Variants in ABCA13 observed in about 807,000 individuals in gnomAD.
ABCA13 encodes the protein ATP binding cassette subfamily A member 13, also known as ATP-binding cassette sub-family A member 13.
A neutral mutation model predicts 478.7 loss-of-function variants in ABCA13; 476 were observed. The observed-to-expected ratio is 0.99, with a 90% CI of 0.92 to 1.07. The LOEUF is 1.07. ABCA13 is among the 50% of genes least tolerant of loss of function. The pLI is 0.00. For missense variants in ABCA13, 6,060 were observed against 5,910.6 expected, an observed-to-expected ratio of 1.03 and a Z score of -0.83; for synonymous variants, 2,252 against 2,158.9, an observed-to-expected ratio of 1.04 and a Z score of -1.20.
chr7:48,567,826 A>G (rs1787230738), intron 55 of ABCA13, among the ~76,000 whole-genome samples: 2 of 152,032 alleles, frequency 1.3e-5, no homozygotes, highest in Non-Finnish European at 2.9e-5. Context: ...TACAGTTTAT[A>G]TTTTTACATG....
chr7:48,433,285 G>A (rs1158979495), intron 42 of ABCA13, among the ~76,000 whole-genome samples: 1 of 151,582 alleles, frequency 6.6e-6, no homozygotes, highest in Admixed American at 6.6e-5. Flanking sequence ...TGGTAGATTT[G>A]CACTATGTGA....
chr7:48,609,238 G>A (rs894699622), intron 58 of ABCA13, among the ~76,000 whole-genome samples: 2 of 152,066 alleles, frequency 1.3e-5, no homozygotes, highest in African/African-American at 4.8e-5. Flanking sequence ...TTATTAGATT[G>A]TTCTCAGAAA....
intron 58 of ABCA13, among the ~76,000 whole-genome samples, chr7:48,615,010 A>C (rs1441120610): frequency 6.6e-6 from 1 of 150,592 alleles, no homozygotes; most frequent in Admixed American, 6.7e-5. Flanking sequence ...CATTGTGCAC[A>C]TGTACCCTAA....
chr7:48,431,708 T>C (rs1585294619), intron 42 of ABCA13, among the ~76,000 whole-genome samples: 1 of 152,370 alleles, frequency 6.6e-6, no homozygotes, highest in Middle Eastern at 3.4e-3. Flanking sequence ...CACAATTTTA[T>C]ATCTTCCAGA....
intron 55 of ABCA13, among the ~76,000 whole-genome samples, chr7:48,556,601 T>C (rs1363502236): frequency 6.6e-6 from 1 of 152,104 alleles, no homozygotes; most frequent in African/African-American, 2.4e-5. Flanking sequence ...AAATCCATTT[T>C]GTCTGATATA....
chr7:48,476,944 C>T (rs1024724342), intron 45 of ABCA13, among the ~76,000 whole-genome samples: 1 of 152,152 alleles, frequency 6.6e-6, no homozygotes, highest in South Asian at 2.1e-4. Context: ...AAGGATAAAA[C>T]ATTTTAAAAT....
At chr7:48,607,749 G>A (rs1791615497) in intron 58 of ABCA13, among the ~76,000 whole-genome samples, 1 of 152,024 alleles carries the variant, frequency 6.6e-6, no homozygotes, top group Non-Finnish European at 1.5e-5. Context: ...TCCCTCCCCT[G>A]TGGTGGTTAT....
At chr7:48,479,455 C>T (rs934375559) in intron 45 of ABCA13, among the ~76,000 whole-genome samples, 11 of 152,076 alleles carry the variant, frequency 7.2e-5, no homozygotes, top group Admixed American at 2.6e-4. Context: ...CTAGGCTGGT[C>T]TCAAACTCCT....
At chr7:48,199,010 A>T (rs1426866329) in intron 3 of ABCA13, among the ~76,000 whole-genome samples, 1 of 152,214 alleles carries the variant, frequency 6.6e-6, no homozygotes, top group Non-Finnish European at 1.5e-5. Flanking sequence ...AACTTCTCCC[A>T]GGTGAAGTTA....
At position 48,383,387 on chromosome 7, in the gene ABCA13, GCA is replaced by G. The variant is rs369020433; in HGVS notation, c.11336-4425_11336-4424del. On this transcript the variant is annotated intron_variant, in intron 35 of 61. Transcript: ENST00000435803. ...TGTATGTGGGTATACGTATGTGTGTGCACACACACACGTATGGTGATCTTCAC... is the reference window on the plus strand; with the variant it reads ...TGTATGTGGGTATACGTATGTGTGTGCACACACACGTATGGTGATCTTCAC... Among the ~76,000 whole-genome samples the G allele has an allele frequency of 3.6e-3, 549 of 152,234 alleles. 5 individuals are homozygous for G. Among genetic ancestry groups the G allele is most frequent in the African/African-American group, 0.012 (517 of 41,546 alleles).
At chr7:48,491,912 T>C (rs1214171215) in intron 48 of ABCA13, among the ~76,000 whole-genome samples, 1 of 152,178 alleles carries the variant, frequency 6.6e-6, no homozygotes, top group Non-Finnish European at 1.5e-5. Context: ...TTGCTCCCTG[T>C]TCGTCTCAGC....
chr7:48,426,007 C>T (rs990246145), intron 41 of ABCA13, among the ~76,000 whole-genome samples: 6 of 152,166 alleles, frequency 3.9e-5, no homozygotes, highest in African/African-American at 1.4e-4. Context: ...TCCCAAAGTG[C>T]TGGGATTACA....
intron 20 of ABCA13, among the ~76,000 whole-genome samples, chr7:48,293,192 G>C (rs1407906245): frequency 2.0e-4 from 22 of 108,264 alleles, no homozygotes; most frequent in South Asian, 4.3e-4. Context: ...GAAGTCTTCA[G>C]CCCCCCCCCC....
intron 55 of ABCA13, among the ~76,000 whole-genome samples, chr7:48,529,718 G>T (rs1833098356): frequency 6.6e-6 from 1 of 152,024 alleles, no homozygotes; most frequent in Non-Finnish European, 1.5e-5. Context: ...TTGACTTTAT[G>T]TTGCATTTAT....
intron 20 of ABCA13, among the ~76,000 whole-genome samples, chr7:48,289,237 T>C (rs1044774066): frequency 6.6e-6 from 1 of 152,120 alleles, no homozygotes; most frequent in Non-Finnish European, 1.5e-5. Context: ...CTAGCAATGA[T>C]TGACTTTACA....
rs746062169 is a variant in ABCA13, at chr7:48,229,951, C to A, written c.759C>A (p.Val253=). 4.3e-6 allele frequency: 7 copies of A among 1,613,190 alleles called. No homozygotes were observed. The highest frequency in any genetic ancestry group is 5.9e-6 in the Non-Finnish European group (7 of 1,179,516). ...TTCTGCAGCAACATGGAGTAGCAGTCACCGGTATGGGTGCCTTGTAGCTAT... is the reference window on the plus strand; with the variant it reads ...TTCTGCAGCAACATGGAGTAGCAGTAACCGGTATGGGTGCCTTGTAGCTAT... ...LTFLQQHGVA[V]TEPVYHLSMQ... Residue 253 remains valine, a synonymous_variant, in exon 7 of 62, where the codon GTC becomes GTA. Coordinates refer to ENST00000435803, the MANE Select transcript of ABCA13 (RefSeq NM_152701.5).
At chr7:48,184,983 A>G (rs957762467) in intron 1 of ABCA13, among the ~76,000 whole-genome samples, 1 of 152,076 alleles carries the variant, frequency 6.6e-6, no homozygotes, top group African/African-American at 2.4e-5. Flanking sequence ...CTATAAGGGC[A>G]CACCATCATG....
chr7:48,471,869 T>A (rs1018440076), intron 45 of ABCA13, among the ~76,000 whole-genome samples: 2 of 152,190 alleles, frequency 1.3e-5, no homozygotes, highest in Admixed American at 1.3e-4. Context: ...AAATGACTAT[T>A]CTTCAAGTAA....
chr7:48,389,072 G>C lies in ABCA13; in HGVS notation c.11506G>C (p.Glu3836Gln). 1 of 1,613,936 alleles carries C rather than the reference G, an allele frequency of 6.2e-7. No individual in the cohort carries two copies. The highest frequency in any genetic ancestry group is 8.5e-7 in the Non-Finnish European group (1 of 1,179,840). Reference protein sequence around the residue: ...SSLQNREGELEGSAPGVTLVS... With the variant: ...SSLQNREGELQGSAPGVTLVS... ...ACTGCAAAACAGGGAAGGAGAGCTTGAAGGAAGTGCCCCGGGAGTCACCCT... is the reference window on the plus strand; with the variant it reads ...ACTGCAAAACAGGGAAGGAGAGCTTCAAGGAAGTGCCCCGGGAGTCACCCT... Residue 3836 changes from glutamate to glutamine, a missense_variant, in exon 37 of 62, where the codon GAA becomes CAA. Transcript: ENST00000435803.
Sources: gnomAD v4.1 joint callset for allele counts (sites outside exome capture counted in the v4.1 genomes callset) on GRCh38, gnomAD v4.1.1 for gene constraint, MANE v1.5 for transcripts, NCBI Gene and HGNC (gene_info 2026-07-23, HGNC 2026-07-21) for gene names.